VWC2L: variants seen among roughly 807,000 people sequenced by gnomAD.
VWC2L encodes the protein von Willebrand factor C domain-containing protein 2-like.
In VWC2L, 10 loss-of-function variants were observed where a neutral mutation model predicts 21.6. The ratio of observed to expected loss-of-function variants is 0.46; its 90% CI spans 0.29 to 0.78. The LOEUF (loss-of-function observed/expected upper bound fraction) is 0.78, where lower values mean the gene tolerates loss of function less well. Ranked by LOEUF, VWC2L falls within the 30% of genes least tolerant of loss-of-function variation. The probability of loss-of-function intolerance (pLI) is 0.10; values close to 1 mark genes in which losing one functional copy is unlikely to be tolerated. For synonymous variants in VWC2L, 96 were observed against 94.3 expected (o/e 1.02, Z -0.10); for missense variants, 209 against 277.1 (o/e 0.75, Z 1.74).
chr2:214,575,162 T>G (rs1325624000), intron 3 of VWC2L, among the ~76,000 whole-genome samples: 1 of 151,988 alleles, frequency 6.6e-6, no homozygotes, highest in Non-Finnish European at 1.5e-5. Context: ...TTCATTGTTA[T>G]CAAGAAACAA....
At chr2:214,474,527 G>A (rs995418894) in intron 3 of VWC2L, among the ~76,000 whole-genome samples, 10 of 152,016 alleles carry the variant, frequency 6.6e-5, no homozygotes, top group African/African-American at 2.2e-4. Flanking sequence ...ACATTTGAGG[G>A]GAAAAATACT....
At chr2:214,455,435 AT>A (rs1300307630) in intron 3 of VWC2L, among the ~76,000 whole-genome samples, 1 of 152,096 alleles carries the variant, frequency 6.6e-6, no homozygotes, top group Non-Finnish European at 1.5e-5. Context: ...ATTTGCACAT[AT>A]TTATGGGTTA....
At chr2:214,414,081 G>A (rs1702316983) in intron 1 of VWC2L, 33 bp from the exon 2 acceptor site, 2 of 1,208,542 alleles carry the variant, frequency 1.7e-6, no homozygotes, top group Non-Finnish European at 2.3e-6. Context: ...CTTTATATAT[G>A]TCAAATTATT....
At chr2:214,519,294 G>A (rs550656239) in intron 3 of VWC2L, among the ~76,000 whole-genome samples, 6 of 152,194 alleles carry the variant, frequency 3.9e-5, no homozygotes, top group African/African-American at 1.4e-4. Flanking sequence ...CACCCACTAT[G>A]CACCAAGCAC....
intron 2 of VWC2L, among the ~76,000 whole-genome samples, chr2:214,420,668 T>C (rs145312258): frequency 2.6e-5 from 4 of 152,170 alleles, no homozygotes; most frequent in African/African-American, 9.7e-5. Context: ...AAAAGAGGGT[T>C]TTCATTTCTC....
chr2:214,468,122 T>A (rs1033698317), intron 3 of VWC2L, among the ~76,000 whole-genome samples: 2 of 152,092 alleles, frequency 1.3e-5, no homozygotes, highest in Non-Finnish European at 2.9e-5. Flanking sequence ...GTTCAAGTGA[T>A]TCTCCTGCCT....
intron 3 of VWC2L, among the ~76,000 whole-genome samples, chr2:214,545,327 C>G (rs915520681): frequency 2.0e-5 from 3 of 152,184 alleles, no homozygotes; most frequent in African/African-American, 7.2e-5. Context: ...TTTAAGTACT[C>G]TTTGCCAACA....
intron 3 of VWC2L, among the ~76,000 whole-genome samples, chr2:214,569,092 C>T (rs1458849813): frequency 6.6e-6 from 1 of 152,174 alleles, no homozygotes; most frequent in Non-Finnish European, 1.5e-5. Context: ...TGATATTACT[C>T]CAGCATTTCA....
chr2:214,441,334 G>T (rs1018196219), intron 3 of VWC2L, among the ~76,000 whole-genome samples: 1 of 151,950 alleles, frequency 6.6e-6, no homozygotes, highest in Non-Finnish European at 1.5e-5. Context: ...AAACGATTCT[G>T]CAGGGAAGGA....
chr2:214,433,162 ATATAT>A (rs1291604976), intron 2 of VWC2L, among the ~76,000 whole-genome samples: 1 of 47,316 alleles, frequency 2.1e-5, no homozygotes, highest in Non-Finnish European at 3.8e-5. Context: ...GCCACCTGAT[ATATAT>A]ATATATATAT....
chr2:214,490,332 T>A (rs1688729076), intron 3 of VWC2L, among the ~76,000 whole-genome samples: 1 of 152,146 alleles, frequency 6.6e-6, no homozygotes, highest in African/African-American at 2.4e-5. Context: ...AATCTTTTTT[T>A]TTTTTGGTCC....
chr2:214,526,044 AT>A (rs2105913630), intron 3 of VWC2L, among the ~76,000 whole-genome samples: 1 of 151,432 alleles, frequency 6.6e-6, no homozygotes, highest in Non-Finnish European at 1.5e-5. Context: ...TATAATTTTT[AT>A]TTTCCCAGTC....
intron 3 of VWC2L, among the ~76,000 whole-genome samples, chr2:214,493,033 A>C (rs1313257629): frequency 6.6e-6 from 1 of 152,228 alleles, no homozygotes; most frequent in Admixed American, 6.5e-5. Context: ...AATAATTGAG[A>C]ACAATATTAA....
intron 3 of VWC2L, among the ~76,000 whole-genome samples, chr2:214,449,292 TAAC>T (rs1702917695): frequency 6.6e-6 from 1 of 152,170 alleles, no homozygotes; most frequent in African/African-American, 2.4e-5. Context: ...CCATCTCAGA[TAAC>T]ATAGCATAGG....
chr2:214,473,242 C>T (rs942206572), intron 3 of VWC2L, among the ~76,000 whole-genome samples: 1 of 152,260 alleles, frequency 6.6e-6, no homozygotes, highest in Middle Eastern at 3.4e-3. Flanking sequence ...ATCATTAATA[C>T]ATACCTATTG....
intron 3 of VWC2L, among the ~76,000 whole-genome samples, chr2:214,539,711 G>C (rs1183868189): frequency 1.3e-5 from 2 of 152,050 alleles, no homozygotes; most frequent in Admixed American, 6.6e-5. Flanking sequence ...ACTTTTAACA[G>C]CTAATATTTC....
At chr2:214,445,937 A>G (rs897607321) in intron 3 of VWC2L, among the ~76,000 whole-genome samples, 1 of 152,182 alleles carries the variant, frequency 6.6e-6, no homozygotes, top group African/African-American at 2.4e-5. Flanking sequence ...ACCTTTAACT[A>G]TGAGATTCTT....
intron 3 of VWC2L, chr2:214,525,043 T>TCACACA (rs5838442): frequency 6.0e-5 from 7 of 116,820 alleles, no homozygotes; most frequent in African/African-American, 1.1e-4. Context: ...TCTCTCTGCC[T>TCACACA]CACACACACA....
intron 2 of VWC2L, among the ~76,000 whole-genome samples, chr2:214,416,378 A>G (rs1574552796): frequency 1.3e-5 from 2 of 152,116 alleles, no homozygotes; most frequent in Admixed American, 1.3e-4. Flanking sequence ...ATTAATCCCT[A>G]CTACTTCTTT....
Sources: gnomAD v4.1 joint callset for allele counts (sites outside exome capture counted in the v4.1 genomes callset) on GRCh38, gnomAD v4.1.1 for gene constraint, MANE v1.5 for transcripts, NCBI Gene and HGNC (gene_info 2026-07-23, HGNC 2026-07-21) for gene names.